FOXP4: variants seen among roughly 807,000 people sequenced by gnomAD.
FOXP4 encodes forkhead box protein P4.
A neutral mutation model predicts 82.6 loss-of-function variants in FOXP4; 25 were observed. That is an observed-to-expected ratio of 0.30 (90% CI 0.22 to 0.42). The LOEUF (loss-of-function observed/expected upper bound fraction) is 0.42. FOXP4 is among the 10% of genes least tolerant of loss of function. The pLI is 1.00. For synonymous variants in FOXP4, 415 were observed against 388.2 expected, an observed-to-expected ratio of 1.07 and a Z score of -0.81; for missense variants, 785 against 900.9, an observed-to-expected ratio of 0.87 and a Z score of 1.65.
intron 15 of FOXP4, 130 bp from the exon 16 acceptor site, chr6:41,597,651 C>T (rs1013503481): frequency 9.1e-6 from 11 of 1,207,264 alleles, no homozygotes; most frequent in Non-Finnish European, 1.1e-5. Context: ...GTTGCCCAGA[C>T]AGATCCGCCC....
chr6:41,595,327 C>T (rs1316315538), intron 14 of FOXP4, among the ~76,000 whole-genome samples: 1 of 151,988 alleles, frequency 6.6e-6, no homozygotes, highest in Admixed American at 6.5e-5. Context: ...GCCAACGGGC[C>T]ATGGGTGAGG....
Position 41,589,989 on chromosome 6 carries a change from A to T in FOXP4, c.1176A>T (p.Ser392=). 1.9e-6 allele frequency: 3 copies of T among 1,613,418 alleles called. No individual in the cohort carries two copies. The highest frequency in any genetic ancestry group is 2.5e-6 in the Non-Finnish European group (3 of 1,179,864). ...TGAACCCGGTCCCCGGCTCCTCCTCATTCTCCAAGGTGACCGTCTCTGCAG... is the reference window on the plus strand; with the variant it reads ...TGAACCCGGTCCCCGGCTCCTCCTCTTTCTCCAAGGTGACCGTCTCTGCAG... ...QPLNPVPGSS[S]FSKVTVSAAD... The change falls in exon 11 of 17, where the codon TCA becomes TCT. Residue 392 remains serine (S), a synonymous_variant. Transcript: ENST00000307972.
In FOXP4 at chr6:41,565,976, T is replaced by TGC; in HGVS notation, c.204+15_204+16dup. Reference sequence around the variant, plus strand: ...TCCAGCAGCAACAGGTAGGAACTGGTGCGCCTTGGGGTATCTGGGAGCGGG... The same window carrying TGC: ...TCCAGCAGCAACAGGTAGGAACTGGTGCGCGCCTTGGGGTATCTGGGAGCGGG... On this transcript the variant is annotated intron_variant, in intron 2 of 16. Coordinates refer to ENST00000307972, the MANE Select transcript of FOXP4 (RefSeq NM_001012426.2). 1 of 1,610,312 alleles carries TGC rather than the reference T, an allele frequency of 6.2e-7. No individual in the cohort carries two copies. Among genetic ancestry groups the TGC allele is most frequent in the Non-Finnish European group, 8.5e-7 (1 of 1,178,060 alleles).
intron 16 of FOXP4, 80 bp from the exon 17 acceptor site, chr6:41,598,709 T>G (rs1039765071): frequency 2.6e-6 from 4 of 1,542,564 alleles, no homozygotes; most frequent in African/African-American, 1.4e-5. Flanking sequence ...TGCCCCAGAG[T>G]TCTGGGTGAG....
Position 41,591,094 on chromosome 6 carries a change from T to C in FOXP4, c.1435-127T>C. On this transcript the variant is annotated intron_variant, in intron 12 of 16. Coordinates refer to ENST00000307972, the MANE Select transcript of FOXP4 (RefSeq NM_001012426.2). The surrounding 1 kb of genome is among the most constrained non-coding windows in gnomAD (Gnocchi z 4.2). ...ACCCATCTTGTTATCCACACATTTC[T>C]GAGCAGGTCTTCTCACAAAGTGAAC... 1 of 737,854 alleles carries C rather than the reference T, an allele frequency of 1.4e-6. No individual in the cohort carries two copies. Among genetic ancestry groups the C allele is most frequent in the Non-Finnish European group, 2.3e-6 (1 of 428,372 alleles). 45.7% of individuals were successfully genotyped at this position (737,854 alleles called of 1,614,324 possible). A position where few individuals can be genotyped will look rare whatever the true frequency, so the allele number is the denominator to read the frequency against.
At chr6:41,579,522 G>T (rs939073611) in intron 3 of FOXP4, among the ~76,000 whole-genome samples, 1 of 152,166 alleles carries the variant, frequency 6.6e-6, no homozygotes, top group Non-Finnish European at 1.5e-5. Context: ...GCTGACCCAG[G>T]GGTAGGAGGG....
At chr6:41,550,416 G>A (rs1763933477) in intron 1 of FOXP4, among the ~76,000 whole-genome samples, 2 of 152,178 alleles carry the variant, frequency 1.3e-5, no homozygotes, top group Non-Finnish European at 2.9e-5. Flanking sequence ...GCCACATGTT[G>A]GTTGAATATG....
chr6:41,546,964 C>T (rs1397102775), intron 1 of FOXP4, 97 bp downstream of exon 1: 4 of 151,362 alleles, frequency 2.6e-5, no homozygotes, highest in Admixed American at 6.6e-5. Flanking sequence ...CTCGCTGGCT[C>T]ACTTTGTGTT....
At chr6:41,590,385 C>T in intron 12 of FOXP4, 38 bp downstream of exon 12, 4 of 1,595,664 alleles carry the variant, frequency 2.5e-6, no homozygotes, top group Non-Finnish European at 2.6e-6. Context: ...GGGAATGGCA[C>T]ACAGGCTGCT....
At chr6:41,564,224 C>G (rs1764748775) in intron 1 of FOXP4, among the ~76,000 whole-genome samples, 1 of 152,140 alleles carries the variant, frequency 6.6e-6, no homozygotes, top group African/African-American at 2.4e-5. Context: ...GAGGCCGAGG[C>G]AAGTGGATCA....
chr6:41,591,659 T>A lies in FOXP4; in HGVS notation c.1536+337T>A, dbSNP rs190146247. Among the ~76,000 whole-genome samples, 16 of 143,946 alleles carry A rather than the reference T, an allele frequency of 1.1e-4. No individual in the cohort carries two copies. The highest frequency in any genetic ancestry group is 3.5e-3 in the Middle Eastern group (1 of 282). The allele number at this position is 143,946 out of a possible 152,430, so 94.4% of individuals were successfully genotyped here. A position where few individuals can be genotyped will look rare whatever the true frequency, so the allele number is the denominator to read the frequency against. ...AATGCCCAAGCTTGATACAGAAGCCTGGGCCGAATTTCACAGAGACCCTAA... is the reference window on the plus strand; with the variant it reads ...AATGCCCAAGCTTGATACAGAAGCCAGGGCCGAATTTCACAGAGACCCTAA... On this transcript the variant is annotated intron_variant, in intron 13 of 16. Coordinates refer to ENST00000307972, the MANE Select transcript of FOXP4 (RefSeq NM_001012426.2). This position sits in a 1 kb window ranked among gnomAD's most constrained non-coding sequence, Gnocchi z 4.2.
intron 3 of FOXP4, 67 bp downstream of exon 3, chr6:41,578,148 C>T: frequency 1.5e-6 from 2 of 1,375,526 alleles, no homozygotes; most frequent in South Asian, 2.4e-5. Context: ...AGAGGGAGGG[C>T]AAGGACCCGT....
rs558773748 is a variant in FOXP4, at chr6:41,601,481, A to AT, written c.*2553dup. On this transcript the variant is annotated 3_prime_UTR_variant, in exon 17 of 17. Coordinates refer to ENST00000307972, the MANE Select transcript of FOXP4 (RefSeq NM_001012426.2). ...GCCGTCTCATTGGTCTTTATTTTTTATTTTTTTTAAGATGGAGTTTCGCTC... is the reference window on the plus strand; with the variant it reads ...GCCGTCTCATTGGTCTTTATTTTTTATTTTTTTTTAAGATGGAGTTTCGCTC... 1.4e-4 allele frequency: 21 copies of AT among 151,734 alleles called. 1 individual carries two copies. In the South Asian group the frequency reaches 3.8e-3, roughly 27 times the overall value. 9.4% of individuals were successfully genotyped at this position (151,734 alleles called of 1,614,324 possible). A position where few individuals can be genotyped will look rare whatever the true frequency, so the allele number is the denominator to read the frequency against.
chr6:41,597,209 C>T lies in FOXP4; in HGVS notation c.1692C>T (p.Gly564=), dbSNP rs1421879897. ...SPTLVKNMIS[G]LSYGALNASY... is the part of the protein sequence containing the mutation. ...CCCTGGTGAAGAACATGATCTCTGG[C>T]CTCAGCTATGGAGCACTTAATGCCA... Residue 564 remains glycine (G), a synonymous_variant, in exon 15 of 17, where the codon GGC becomes GGT. Transcript: ENST00000307972. 3 of 1,614,072 alleles carry T rather than the reference C, an allele frequency of 1.9e-6. No homozygotes were observed. Among genetic ancestry groups the T allele is most frequent in the Non-Finnish European group, 2.5e-6 (3 of 1,180,032 alleles).
At chr6:41,547,939 C>G (rs1440159354) in intron 1 of FOXP4, among the ~76,000 whole-genome samples, 12 of 152,244 alleles carry the variant, frequency 7.9e-5, no homozygotes. Context: ...ACCTGGGGTC[C>G]CGGCCGCCCC....
At chr6:41,588,302 C>T (rs769798582) in intron 8 of FOXP4, among the ~76,000 whole-genome samples, 3 of 152,174 alleles carry the variant, frequency 2.0e-5, no homozygotes, top group Non-Finnish European at 4.4e-5. Context: ...CTGCCACAGC[C>T]GTGCCAGGCT....
Position 41,584,715 on chromosome 6 carries a change from GCCT to G in FOXP4, c.301-47_301-45del, listed in dbSNP as rs541549848. Reference sequence around the variant, plus strand: ...CGCTGAGAGTGGGGCCCTGGGTGGTGCCTCCTCCTGGGTTGGGGTCCAGGGGAC... The same window carrying G: ...CGCTGAGAGTGGGGCCCTGGGTGGTGCCTCCTGGGTTGGGGTCCAGGGGAC... On this transcript the variant is annotated intron_variant, in intron 3 of 16. Coordinates refer to ENST00000307972, the MANE Select transcript of FOXP4 (RefSeq NM_001012426.2). 2.3e-4 allele frequency: 348 copies of G among 1,515,316 alleles called. 3 individuals carry two copies. The South Asian group carries it at 3.5e-3, about 15-fold the overall frequency. The allele number at this position is 1,515,316 out of a possible 1,614,324, so 93.9% of individuals were successfully genotyped here. A position where few individuals can be genotyped will look rare whatever the true frequency, so the allele number is the denominator to read the frequency against.
At chr6:41,570,974 C>T (rs1765167175) in intron 2 of FOXP4, among the ~76,000 whole-genome samples, 1 of 152,190 alleles carries the variant, frequency 6.6e-6, no homozygotes, top group Non-Finnish European at 1.5e-5. Flanking sequence ...CCCACTCCAA[C>T]CCTACATTGC....
chr6:41,573,687 T>C (rs915295635), intron 2 of FOXP4, among the ~76,000 whole-genome samples: 1 of 152,236 alleles, frequency 6.6e-6, no homozygotes, highest in South Asian at 2.1e-4. Context: ...AAGTACTCCA[T>C]GTGCACAGTC....
Sources: gnomAD v4.1 joint callset for allele counts (sites outside exome capture counted in the v4.1 genomes callset) on GRCh38, gnomAD v4.1.1 for gene constraint, Gnocchi (gnomAD v3.1) non-coding constraint, MANE v1.5 for transcripts, NCBI Gene and HGNC (gene_info 2026-07-23, HGNC 2026-07-21) for gene names.